Variants in DTNB observed in about 807,000 individuals in gnomAD.
DTNB encodes the protein DTN-B.
DTNB carries 63 observed loss-of-function variants against 90.7 expected under a neutral mutation model. The ratio of observed to expected loss-of-function variants is 0.69; its 90% confidence interval spans 0.57 to 0.86. The LOEUF is 0.86. Ranked by LOEUF, DTNB falls within the 40% of genes least tolerant of loss-of-function variation. DTNB has a pLI of 0.00. For synonymous variants in DTNB, 277 were observed against 286.7 expected (o/e 0.97, Z 0.34); for missense variants, 744 against 807.1 (o/e 0.92, Z 0.95).
chr2:25,543,270 C>G (rs1467174424), intron 8 of DTNB, among the ~76,000 whole-genome samples: 1 of 151,060 alleles, frequency 6.6e-6, no homozygotes, highest in East Asian at 1.9e-4. Context: ...TTGGCTGTCT[C>G]TTGTAAACAG....
At chr2:25,582,994 C>T (rs2061775265) in intron 6 of DTNB, among the ~76,000 whole-genome samples, 1 of 151,902 alleles carries the variant, frequency 6.6e-6, no homozygotes, top group Non-Finnish European at 1.5e-5. Flanking sequence ...GGCGTGGCAA[C>T]TCACACCTGT....
At chr2:25,632,798 C>T (rs1344766329) in intron 3 of DTNB, among the ~76,000 whole-genome samples, 1 of 152,128 alleles carries the variant, frequency 6.6e-6, no homozygotes, top group East Asian at 1.9e-4. Context: ...CTCTTATAAG[C>T]AACAGAAAAC....
At chr2:25,430,839 T>C (rs2053627983) in intron 14 of DTNB, among the ~76,000 whole-genome samples, 1 of 152,210 alleles carries the variant, frequency 6.6e-6, no homozygotes, top group South Asian at 2.1e-4. Flanking sequence ...ACGCTTCATA[T>C]ACGTTTGTCG....
At chr2:25,524,428 G>T (rs1355064497) in intron 9 of DTNB, among the ~76,000 whole-genome samples, 3 of 149,838 alleles carry the variant, frequency 2.0e-5, no homozygotes, top group African/African-American at 4.9e-5. Flanking sequence ...TTGGTGGGGG[G>T]GGTGGTCTGC....
intron 9 of DTNB, among the ~76,000 whole-genome samples, chr2:25,527,040 C>G (rs930507532): frequency 6.6e-6 from 1 of 152,020 alleles, no homozygotes; most frequent in Non-Finnish European, 1.5e-5. Flanking sequence ...AAGTATACTT[C>G]TCAAAGAAGA....
chr2:25,490,235 C>G (rs1486533264), intron 9 of DTNB, among the ~76,000 whole-genome samples: 1 of 151,896 alleles, frequency 6.6e-6, no homozygotes, highest in Non-Finnish European at 1.5e-5. Context: ...AAGATCAAAC[C>G]ACTGCACTTC....
At chr2:25,570,406 C>CAAAAAAAAAAAAAAAAAAA (rs146251976) in intron 8 of DTNB, among the ~76,000 whole-genome samples, 12 of 89,908 alleles carry the variant, frequency 1.3e-4, no homozygotes, top group African/African-American at 4.6e-4. Context: ...TTTCCTGTCT[C>CAAAAAAAAAAAAAAAAAAA]AAAAAAAAAA....
At chr2:25,559,276 G>A (rs1034380403) in intron 8 of DTNB, among the ~76,000 whole-genome samples, 5 of 152,036 alleles carry the variant, frequency 3.3e-5, no homozygotes, top group African/African-American at 1.2e-4. Context: ...CGAGGCTTAC[G>A]CATCAACCTC....
In DTNB at chr2:25,503,103, G is replaced by A. The variant is rs989560033; in HGVS notation, c.1002-20230C>T. Reference sequence around the variant, plus strand: ...AAAAAAAAAAAAAAGTCCAGACTGTGAAGCTACGAAGGAAGAAGTCAAGAA... The same window carrying A: ...AAAAAAAAAAAAAAGTCCAGACTGTAAAGCTACGAAGGAAGAAGTCAAGAA... On this transcript the variant is annotated intron_variant, in intron 9 of 20. Transcript: ENST00000406818. Among the ~76,000 whole-genome samples, 5 of 130,110 alleles carry A rather than the reference G, an allele frequency of 3.8e-5. No individual in the cohort carries two copies. In the East Asian group the frequency reaches 1.1e-3, roughly 30 times the overall value. 85.4% of individuals were successfully genotyped at this position (130,110 alleles called of 152,430 possible). A position where few individuals can be genotyped will look rare whatever the true frequency, so the allele number is the denominator to read the frequency against.
chr2:25,405,471 C>T (rs967183227), intron 16 of DTNB, among the ~76,000 whole-genome samples: 1 of 152,058 alleles, frequency 6.6e-6, no homozygotes, highest in South Asian at 2.1e-4. Context: ...AACTGGGAAA[C>T]GGAGGTTGTA....
chr2:25,467,890 T>C lies in DTNB; in HGVS notation c.1080-12396A>G, dbSNP rs185588759. Among the ~76,000 whole-genome samples, 1,449 of 152,210 alleles carry C rather than the reference T, an allele frequency of 9.5e-3. 36 individuals are homozygous for C. The highest frequency in any genetic ancestry group is 0.035 in the Admixed American group (538 of 15,298). ...TGGTAGGGGAAGCAGCTATAGCCAA[T>C]ATATAAACAAGTATGTTCCAATAAA... is the stretch of plus-strand genomic sequence containing the variant. On this transcript the variant is annotated intron_variant, in intron 10 of 20. Coordinates refer to ENST00000406818, the MANE Select transcript of DTNB (RefSeq NM_021907.5).
At chr2:25,660,600 T>C (rs1422997861) in intron 1 of DTNB, among the ~76,000 whole-genome samples, 1 of 152,176 alleles carries the variant, frequency 6.6e-6, no homozygotes, top group Non-Finnish European at 1.5e-5. Flanking sequence ...CTCAAATAAG[T>C]TAAACAGAAA....
At chr2:25,581,671 A>G (rs2061571007) in intron 6 of DTNB, among the ~76,000 whole-genome samples, 1 of 152,254 alleles carries the variant, frequency 6.6e-6, no homozygotes, top group African/African-American at 2.4e-5. Flanking sequence ...TGATATAGAG[A>G]GAACAAATTC....
At chr2:25,673,013 A>C in intron 1 of DTNB, 1 of 151,554 alleles carries the variant, frequency 6.6e-6, no homozygotes. Flanking sequence ...GACCTGCCTC[A>C]CTCGCCCCTT....
At chr2:25,481,979 A>T (rs1220094962) in intron 10 of DTNB, 1 of 152,234 alleles carries the variant, frequency 6.6e-6, no homozygotes, top group Non-Finnish European at 1.5e-5. Flanking sequence ...TCTATAGCTG[A>T]ATTAATCCAA....
chr2:25,433,369 G>A (rs530078996), intron 13 of DTNB, among the ~76,000 whole-genome samples: 5 of 152,022 alleles, frequency 3.3e-5, no homozygotes, highest in Non-Finnish European at 5.9e-5. Flanking sequence ...ATCCTTCCCT[G>A]CCCCTTCCTT....
intron 6 of DTNB, among the ~76,000 whole-genome samples, chr2:25,585,335 T>C (rs1215350521): frequency 6.6e-6 from 1 of 152,214 alleles, no homozygotes; most frequent in Non-Finnish European, 1.5e-5. Context: ...AGCTGCCTGA[T>C]CCACTGAGCG....
intron 9 of DTNB, among the ~76,000 whole-genome samples, chr2:25,523,363 G>C (rs1016665788): frequency 3.3e-5 from 5 of 152,176 alleles, no homozygotes; most frequent in Non-Finnish European, 5.9e-5. Context: ...TTCATGGCTG[G>C]GTGCAGTGGC....
At chr2:25,568,786 C>T (rs73922427) in intron 8 of DTNB, among the ~76,000 whole-genome samples, 10,335 of 152,234 alleles carry the variant, frequency 0.068, 1,133 homozygotes, top group African/African-American at 0.23. Flanking sequence ...CAATGTGACC[C>T]TCCCACAACC....
Sources: allele counts gnomAD v4.1 joint callset (sites outside exome capture counted in the v4.1 genomes callset), GRCh38; gene constraint gnomAD v4.1.1; transcripts MANE v1.5; gene names NCBI Gene and HGNC (gene_info 2026-07-23, HGNC 2026-07-21).